Variants in OARD1 observed in about 807,000 individuals in gnomAD.
OARD1 encodes O-acyl-ADP-ribose deacylase 1, also known as ADP-ribose glycohydrolase OARD1.
In OARD1, 19 loss-of-function variants were observed where a neutral mutation model predicts 19.7. That is an observed-to-expected ratio of 0.96 (90% CI 0.67 to 1.41). OARD1 has a LOEUF of 1.41. OARD1 is among the 40% of genes most tolerant of loss of function. OARD1 has a pLI of 0.00. For missense variants in OARD1, 190 were observed against 183.8 expected, an observed-to-expected ratio of 1.03 and a Z score of -0.20; for synonymous variants, 70 against 61.8, an observed-to-expected ratio of 1.13 and a Z score of -0.62.
intron 1 of OARD1, among the ~76,000 whole-genome samples, chr6:41,096,927 G>C (rs769262983): frequency 6.6e-6 from 1 of 152,194 alleles, no homozygotes; most frequent in Non-Finnish European, 1.5e-5. Flanking sequence ...AAAGTGTATA[G>C]ATTCTAATGA....
At chr6:41,091,541 T>C in intron 1 of OARD1, 4 of 1,613,774 alleles carry the variant, frequency 2.5e-6, no homozygotes, top group Non-Finnish European at 3.4e-6. Context: ...CAGTCCCTGT[T>C]TCAGGCATGA....
At chr6:41,080,716 T>TC (rs1196486155) in intron 1 of OARD1, 22 of 1,000,840 alleles carry the variant, frequency 2.2e-5, no homozygotes, top group Non-Finnish European at 3.3e-5. Flanking sequence ...CCTTCAGGCT[T>TC]CCGTCTCTCT....
At chr6:41,085,839 T>G (rs908737239) in intron 1 of OARD1, among the ~76,000 whole-genome samples, 2 of 152,180 alleles carry the variant, frequency 1.3e-5, no homozygotes, top group Admixed American at 6.5e-5. Context: ...GGATTTTGGT[T>G]TTCATTTGCC....
intron 1 of OARD1, chr6:41,078,950 A>G: frequency 3.2e-6 from 2 of 627,056 alleles, no homozygotes; most frequent in Non-Finnish European, 5.7e-6. Flanking sequence ...AAGTACAGTG[A>G]TAAATTATCC....
rs1352545660 is a variant in OARD1, at chr6:41,068,852, G to C, written c.345C>G (p.Leu115=). The C allele has an allele frequency of 6.4e-7, 1 of 1,567,206 alleles. No homozygotes were observed. The highest frequency in any genetic ancestry group is 8.7e-7 in the Non-Finnish European group (1 of 1,143,030). Residue 115 remains leucine (L), a synonymous_variant, in exon 5 of 6, where the codon CTC becomes CTG. Coordinates refer to ENST00000424266, the MANE Select transcript of OARD1 (RefSeq NM_001329686.2). ...SHCLKNGVTD[L]SMPRIGCGLD... Reference sequence around the variant, plus strand: ...ATGGATTTCCTTGCCTGGGCATGGAGAGGTCAGTGACTCCATTCTTCAGAC... The same window carrying C: ...ATGGATTTCCTTGCCTGGGCATGGACAGGTCAGTGACTCCATTCTTCAGAC...
At chr6:41,095,230 A>G (rs935559699) in intron 1 of OARD1, among the ~76,000 whole-genome samples, 2 of 152,172 alleles carry the variant, frequency 1.3e-5, no homozygotes, top group African/African-American at 2.4e-5. Flanking sequence ...TGCCCAGCAA[A>G]GCCTTACATG....
At chr6:41,090,837 G>A (rs944751962) in intron 1 of OARD1, among the ~76,000 whole-genome samples, 8 of 152,188 alleles carry the variant, frequency 5.3e-5, no homozygotes, top group Admixed American at 1.3e-4. Flanking sequence ...GTTTGGTCTG[G>A]GAGGAGGAGT....
chr6:41,071,487 G>T, intron 2 of OARD1, 109 bp downstream of exon 2: 2 of 1,124,184 alleles, frequency 1.8e-6, no homozygotes, highest in Non-Finnish European at 1.3e-6. Flanking sequence ...AAATCAGCTA[G>T]AGAGAAAAAA....
chr6:41,074,867 C>T (rs1763690947), upstream of OARD1, among the ~76,000 whole-genome samples: 1 of 152,064 alleles, frequency 6.6e-6, no homozygotes, highest in East Asian at 1.9e-4. Context: ...GGAGACTTGT[C>T]CTAGGACTCT....
At chr6:41,071,489 G>A (rs1350795938) in intron 2 of OARD1, 107 bp downstream of exon 2, 1 of 1,123,894 alleles carries the variant, frequency 8.9e-7, no homozygotes, top group Non-Finnish European at 1.3e-6. Context: ...ATCAGCTAGA[G>A]AGAAAAAAAG....
At chr6:41,097,278 G>A in intron 1 of OARD1, 1 of 1,294,410 alleles carries the variant, frequency 7.7e-7, no homozygotes, top group Non-Finnish European at 1.1e-6. Flanking sequence ...GTATTCTCTT[G>A]GGGGGATAAG....
intron 1 of OARD1, among the ~76,000 whole-genome samples, chr6:41,096,818 T>C (rs181169752): frequency 2.3e-4 from 35 of 152,348 alleles, no homozygotes; most frequent in African/African-American, 8.2e-4. Flanking sequence ...ATTTGGGAGT[T>C]AGCCCTTGCT....
chr6:41,086,174 G>T (rs566217899), intron 1 of OARD1, among the ~76,000 whole-genome samples: 3 of 151,378 alleles, frequency 2.0e-5, no homozygotes, highest in Admixed American at 2.0e-4. Flanking sequence ...ATGTGGTATA[G>T]TTAGGAACAG....
At chr6:41,086,847 A>G (rs559845928) in intron 1 of OARD1, among the ~76,000 whole-genome samples, 53 of 152,322 alleles carry the variant, frequency 3.5e-4, no homozygotes, top group African/African-American at 1.3e-3. Flanking sequence ...TTCATACTGT[A>G]TTTTAAAAAA....
At chr6:41,093,187 A>AGTATCTAACGTCAATTGT in intron 1 of OARD1, 3 of 1,002,704 alleles carry the variant, frequency 3.0e-6, no homozygotes, top group Non-Finnish European at 4.3e-6. Flanking sequence ...CTTCCAAACA[A>AGTATCTAACGTCAATTGT]TTGACGTTAG....
intron 1 of OARD1, chr6:41,079,290 A>G: frequency 1.2e-6 from 1 of 850,482 alleles, no homozygotes; most frequent in Non-Finnish European, 1.9e-6. Flanking sequence ...ATTGGGTCTG[A>G]TGGCTTGTGC....
At chr6:41,080,919 T>C in intron 1 of OARD1, 4 of 1,585,344 alleles carry the variant, frequency 2.5e-6, no homozygotes, top group Non-Finnish European at 3.5e-6. Flanking sequence ...TCTGATTCTC[T>C]GTGAGCACTG....
chr6:41,074,788 A>G (rs1218594468), upstream of OARD1, among the ~76,000 whole-genome samples: 2 of 152,222 alleles, frequency 1.3e-5, no homozygotes, highest in Non-Finnish European at 2.9e-5. Flanking sequence ...CTAAGATTGA[A>G]AAAACGAGTT....
In OARD1 at chr6:41,071,206, T is replaced by G. The variant is rs1330841214; in HGVS notation, c.110A>C (p.Asp37Ala). Residue 37 changes from aspartate (D) to alanine (A), a missense_variant, in exon 3 of 6, where the codon GAT (aspartate) becomes GCT (alanine). By Grantham distance (126) the Asp-to-Ala change is moderately radical. Coordinates refer to ENST00000424266, the MANE Select transcript of OARD1 (RefSeq NM_001329686.2). Reference protein sequence around the residue: ...TDSLAHCISEDCRMGAGIAVL... With the variant: ...TDSLAHCISEACRMGAGIAVL... ...AGCTATCCCAGCGCCCATGCGACAA[T>G]CCTCACTGATACAGTGGGCTAAAGA... 1.2e-6 allele frequency: 2 copies of G among 1,614,126 alleles called. No individual in the cohort carries two copies. Among genetic ancestry groups the G allele is most frequent in the Non-Finnish European group, 1.7e-6 (2 of 1,179,952 alleles).
Sources: gnomAD v4.1 joint callset for allele counts (sites outside exome capture counted in the v4.1 genomes callset) on GRCh38, gnomAD v4.1.1 for gene constraint, MANE v1.5 for transcripts, NCBI Gene and HGNC (gene_info 2026-07-23, HGNC 2026-07-21) for gene names.